Variants in XPO6 observed in about 807,000 individuals in gnomAD.
XPO6 encodes the protein exportin 6, also known as exportin-6.
In XPO6, 3 loss-of-function variants were observed where a neutral mutation model predicts 130.0. The ratio of observed to expected loss-of-function variants is 0.02; its 90% CI spans 0.01 to 0.06. The LOEUF (loss-of-function observed/expected upper bound fraction) is 0.06. Among genes scored for constraint, XPO6 ranks in the 10% least tolerant of loss-of-function variants. The pLI is 1.00. For missense variants in XPO6, 970 were observed against 1,393.0 expected (o/e 0.70, Z 4.83); for synonymous variants, 524 against 548.9 (o/e 0.95, Z 0.63).
chr16:28,177,824 G>GA (rs1197166329), intron 2 of XPO6, among the ~76,000 whole-genome samples: 1 of 151,988 alleles, frequency 6.6e-6, no homozygotes, highest in South Asian at 2.1e-4. Context: ...GATAGGAAAG[G>GA]AAAAAAATGC....
rs200611814 is a variant in XPO6, at chr16:28,160,502, AC to A, written c.644-3976del. On this transcript the variant is annotated intron_variant, in intron 6 of 23. Transcript: ENST00000304658. ...CTGGATAACAAAGTGAGACTCCATCACCAAAAAAAAAAAAAAAATCAAGTAA... is the reference window on the plus strand; with the variant it reads ...CTGGATAACAAAGTGAGACTCCATCACAAAAAAAAAAAAAAAATCAAGTAA... 3.7e-4 allele frequency among the ~76,000 whole-genome samples: 54 copies of A among 146,286 alleles called. 2 individuals are homozygous for A. The highest frequency in any genetic ancestry group is 8.2e-4 in the African/African-American group (32 of 39,020).
At chr16:28,104,793 C>G (rs1341638793) in intron 20 of XPO6, 86 bp from the exon 21 acceptor site, 3 of 1,486,522 alleles carry the variant, frequency 2.0e-6, no homozygotes, top group Non-Finnish European at 2.7e-6. Context: ...CTAGGAGACG[C>G]CTCGTGACAG....
In XPO6 at chr16:28,098,544, C is replaced by T. The variant is rs201017390; in HGVS notation, c.3372G>A (p.Lys1124=). 68 of 1,610,762 alleles carry T rather than the reference C, an allele frequency of 4.2e-5. No individual in the cohort carries two copies. Among genetic ancestry groups the T allele is most frequent in the Non-Finnish European group, 5.5e-5 (65 of 1,177,934 alleles). The change falls in exon 24 of 24, where the codon AAG becomes AAA. Residue 1124 remains lysine (K), a synonymous_variant. Transcript: ENST00000304658. ...TCCCCAGGCAGTAGCAGGCCTAGAG[C>T]TTCACAGTGCCAGGGGGCAGGCTGT... is the stretch of plus-strand genomic sequence containing the variant. The part of the protein sequence containing the change: ...CNDSLPPGTV[K]L
In XPO6 at chr16:28,117,429, G is replaced by A. The variant is rs773071423; in HGVS notation, c.1893C>T (p.Tyr631=). 4 of 1,614,092 alleles carry A rather than the reference G, an allele frequency of 2.5e-6. No homozygotes were observed. The highest frequency in any genetic ancestry group is 3.4e-6 in the Non-Finnish European group (4 of 1,180,038). The part of the protein sequence containing the change: ...HAQSLAALQA[Y]SHWLAQYCSE... ...TGCAATACTGTGCTAACCAGTGAGAGTAAGCCTGCAGCGCAGCCAGGGACT... is the reference window on the plus strand; with the variant it reads ...TGCAATACTGTGCTAACCAGTGAGAATAAGCCTGCAGCGCAGCCAGGGACT... Residue 631 remains tyrosine, a synonymous_variant, in exon 15 of 24, where the codon TAC becomes TAT. Transcript: ENST00000304658.
intron 8 of XPO6, among the ~76,000 whole-genome samples, chr16:28,150,893 C>G (rs1468067560): frequency 6.6e-6 from 1 of 152,114 alleles, no homozygotes; most frequent in Non-Finnish European, 1.5e-5. Flanking sequence ...GCAGTCACTT[C>G]AAGTTCTCCT....
At chr16:28,140,083 T>C (rs935142487) in intron 9 of XPO6, among the ~76,000 whole-genome samples, 106 of 151,662 alleles carry the variant, frequency 7.0e-4, no homozygotes, top group African/African-American at 2.5e-3. Flanking sequence ...AATACAAAAA[T>C]TAGCCAGGCG....
chr16:28,181,055 A>G, intron 1 of XPO6, 24 bp from the exon 2 acceptor site: 1 of 1,573,074 alleles, frequency 6.4e-7, no homozygotes, highest in Non-Finnish European at 8.7e-7. Flanking sequence ...TTGAAAAAAA[A>G]TCAATAAGCT....
At chr16:28,123,386 G>A (rs2087297729) in intron 13 of XPO6, among the ~76,000 whole-genome samples, 1 of 151,116 alleles carries the variant, frequency 6.6e-6, no homozygotes, top group African/African-American at 2.5e-5. Flanking sequence ...GGGATTACAG[G>A]TGAGCCACCA....
At position 28,107,544 on chromosome 16, in the gene XPO6, A is replaced by G. The variant is rs200713197; in HGVS notation, c.2475T>C (p.Phe825=). 7.4e-6 allele frequency: 12 copies of G among 1,614,190 alleles called. No individual in the cohort carries two copies. The East Asian group carries it at 2.5e-4, about 33-fold the overall frequency. Residue 825 remains phenylalanine, a synonymous_variant, in exon 18 of 24, where the codon TTT becomes TTC. Transcript: ENST00000304658. ...QESVQVSLAL[F]PAFIHQSDVT... is the part of the protein sequence containing the mutation. ...TACCTGACTGATGGATAAAAGCTGGAAAGAGGGCCAGGGAGACCTGAACAG... is the reference window on the plus strand; with the variant it reads ...TACCTGACTGATGGATAAAAGCTGGGAAGAGGGCCAGGGAGACCTGAACAG...
At chr16:28,205,877 A>C (rs1032980090) in intron 1 of XPO6, among the ~76,000 whole-genome samples, 1 of 151,888 alleles carries the variant, frequency 6.6e-6, no homozygotes, top group African/African-American at 2.4e-5. Context: ...ATCTCTACTA[A>C]AAATACAAAA....
chr16:28,162,941 T>G (rs1050035448), intron 6 of XPO6, among the ~76,000 whole-genome samples: 4 of 152,196 alleles, frequency 2.6e-5, no homozygotes, highest in Non-Finnish European at 4.4e-5. Context: ...ACTTAAGAGT[T>G]TTCCAACCTC....
chr16:28,176,760 C>T (rs549406543), intron 3 of XPO6, among the ~76,000 whole-genome samples: 9 of 151,800 alleles, frequency 5.9e-5, no homozygotes, highest in Non-Finnish European at 1.0e-4. Context: ...CCACCCGCCT[C>T]GGCCTCCCAA....
At position 28,101,277 on chromosome 16, in the gene XPO6, G is replaced by C. The variant is rs1353578424; in HGVS notation, c.3276+181C>G. 1.5e-6 allele frequency: 1 copy of C among 688,286 alleles called. No individual in the cohort carries two copies. Among genetic ancestry groups the C allele is most frequent in the Non-Finnish European group, 2.6e-6 (1 of 378,632 alleles). The allele number at this position is 688,286 out of a possible 1,614,324, so 42.6% of individuals were successfully genotyped here. A position where few individuals can be genotyped will look rare whatever the true frequency, so the allele number is the denominator to read the frequency against. Reference sequence around the variant, plus strand: ...TACAGACACCAAGACTGGGGAAAAGGCTGTGCCCCTCAATCAGGCTACAGC... The same window carrying C: ...TACAGACACCAAGACTGGGGAAAAGCCTGTGCCCCTCAATCAGGCTACAGC... On this transcript the variant is annotated intron_variant, in intron 23 of 23. Coordinates refer to ENST00000304658, the MANE Select transcript of XPO6 (RefSeq NM_015171.4). The surrounding 1 kb of genome is among the most constrained non-coding windows in gnomAD (Gnocchi z 5.4).
chr16:28,174,040 GTC>G, intron 4 of XPO6, among the ~76,000 whole-genome samples: 1 of 152,048 alleles, frequency 6.6e-6, no homozygotes, highest in Non-Finnish European at 1.5e-5. Context: ...GGTCTTTCCT[GTC>G]TCCAGTGGGC....
intron 9 of XPO6, among the ~76,000 whole-genome samples, chr16:28,137,571 G>A (rs928540899): frequency 2.6e-5 from 4 of 151,848 alleles, no homozygotes; most frequent in African/African-American, 9.7e-5. Context: ...CCCATGTGAT[G>A]AGAATCAGTC....
Position 28,169,917 on chromosome 16 carries a change from G to A in XPO6, c.406-8C>T. 3 of 1,613,042 alleles carry A rather than the reference G, an allele frequency of 1.9e-6. No homozygotes were observed. Among genetic ancestry groups the A allele is most frequent in the Non-Finnish European group, 2.5e-6 (3 of 1,179,602 alleles). ...CACAGGGGACTGGATCAACTGCCAG[G>A]AAAAAGCATGTTCTGAGCAGAGTGT... On this transcript the variant is annotated splice_polypyrimidine_tract_variant and splice_region_variant and intron_variant, in intron 4 of 23. Coordinates refer to ENST00000304658, the MANE Select transcript of XPO6 (RefSeq NM_015171.4).
rs1009100021 is a variant in XPO6 at position 28,098,388 on chromosome 16, T to C, written c.*150A>G. On this transcript the variant is annotated 3_prime_UTR_variant, in exon 24 of 24. Coordinates refer to ENST00000304658, the MANE Select transcript of XPO6 (RefSeq NM_015171.4). ...CCAGCTCTGCTGGGCAGCGGCAAGATGTGGAGGAGCGGCAGAGGCAGGCAG... is the reference window on the plus strand; with the variant it reads ...CCAGCTCTGCTGGGCAGCGGCAAGACGTGGAGGAGCGGCAGAGGCAGGCAG... 35 of 645,284 alleles carry C rather than the reference T, an allele frequency of 5.4e-5. No homozygotes were observed. The East Asian group carries it at 9.7e-4, about 18-fold the overall frequency. 40.0% of individuals were successfully genotyped at this position (645,284 alleles called of 1,614,324 possible).
At chr16:28,121,929 G>T (rs1287966671) in intron 13 of XPO6, among the ~76,000 whole-genome samples, 167 bp from the exon 14 acceptor site, 1 of 152,176 alleles carries the variant, frequency 6.6e-6, no homozygotes, top group South Asian at 2.1e-4. Flanking sequence ...TCTGAGATAT[G>T]CATAAAGATT....
intron 2 of XPO6, among the ~76,000 whole-genome samples, chr16:28,178,865 G>A (rs887217783): frequency 2.0e-5 from 3 of 151,828 alleles, no homozygotes; most frequent in Non-Finnish European, 4.4e-5. Flanking sequence ...TCAAGAGATC[G>A]AGACTATCCT....
Sources: allele counts gnomAD v4.1 joint callset (sites outside exome capture counted in the v4.1 genomes callset), GRCh38; gene constraint gnomAD v4.1.1; non-coding constraint Gnocchi (gnomAD v3.1); transcripts MANE v1.5; gene names NCBI Gene and HGNC (gene_info 2026-07-23, HGNC 2026-07-21).